Variants in EMP2 observed in about 807,000 individuals in gnomAD.
The protein encoded by EMP2 is epithelial membrane protein 2.
In EMP2, 19 loss-of-function variants were observed where a neutral mutation model predicts 13.7. The observed-to-expected ratio is 1.38, with a 90% CI of 0.97 to 2.03. The LOEUF (loss-of-function observed/expected upper bound fraction) is 2.03, where lower values mean the gene tolerates loss of function less well. Ranked by LOEUF, EMP2 falls within the 30% of genes most tolerant of loss-of-function variation. EMP2 has a pLI of 0.00. For synonymous variants in EMP2, 97 were observed against 84.7 expected (o/e 1.15, Z -0.80); for missense variants, 253 against 220.7 (o/e 1.15, Z -0.93).
chr16:10,554,125 G>C (rs948470634), intron 1 of EMP2, among the ~76,000 whole-genome samples: 1 of 150,266 alleles, frequency 6.7e-6, no homozygotes, highest in Non-Finnish European at 1.5e-5. Context: ...TCCACCTCCC[G>C]AGTTCAAGCG....
intron 1 of EMP2, among the ~76,000 whole-genome samples, chr16:10,560,315 C>A (rs1021390952): frequency 2.6e-5 from 4 of 152,194 alleles, no homozygotes; most frequent in African/African-American, 9.7e-5. Context: ...CCGAGTCCTC[C>A]AGGCTCACAG....
intron 2 of EMP2, chr16:10,544,834 A>G (rs9922333): frequency 0.095 from 14,539 of 152,330 alleles, 1,469 homozygotes; most frequent in African/African-American, 0.26. Flanking sequence ...GCAGTGAGCC[A>G]TGATCGCAAC....
intron 4 of EMP2, 151 bp from the exon 5 acceptor site, chr16:10,533,243 A>T (rs544014753): frequency 1.7e-5 from 13 of 785,424 alleles, no homozygotes; most frequent in African/African-American, 1.6e-4. Flanking sequence ...TTGCCATGTC[A>T]CCCAGGCTGG....
At chr16:10,567,714 T>G (rs1177994550) in intron 1 of EMP2, among the ~76,000 whole-genome samples, 1 of 152,178 alleles carries the variant, frequency 6.6e-6, no homozygotes, top group East Asian at 1.9e-4. Context: ...CAAAGAGGAC[T>G]GCCAGGGCCG....
Position 10,532,094 on chromosome 16 carries a change from C to T in EMP2, c.*811G>A, listed in dbSNP as rs2050607643. 1 of 154,940 alleles carries T rather than the reference C, an allele frequency of 6.5e-6. No homozygotes were observed. Among genetic ancestry groups the T allele is most frequent in the Middle Eastern group, 5.2e-4 (1 of 1,930 alleles). 9.6% of individuals were successfully genotyped at this position (154,940 alleles called of 1,614,324 possible). Reference sequence around the variant, plus strand: ...AGCTCTGCTGACCTGGCCCAGGCACCGTGGTCCCCAACTTCAACGCATCTG... The same window carrying T: ...AGCTCTGCTGACCTGGCCCAGGCACTGTGGTCCCCAACTTCAACGCATCTG... On this transcript the variant is annotated 3_prime_UTR_variant, in exon 5 of 5. Coordinates refer to ENST00000359543, the MANE Select transcript of EMP2 (RefSeq NM_001424.6).
At chr16:10,537,880 G>A (rs2050661287) in intron 4 of EMP2, 48 bp downstream of exon 4, 4 of 1,603,074 alleles carry the variant, frequency 2.5e-6, no homozygotes, top group Non-Finnish European at 3.4e-6. Context: ...GGAAGGGAGT[G>A]CTTATTCCAG....
rs2050595519 is a variant in EMP2, at chr16:10,531,025, TGCAG to T, written c.*1876_*1879del. 1 of 152,216 alleles carries T rather than the reference TGCAG, an allele frequency of 6.6e-6. No homozygotes were observed. The highest frequency in any genetic ancestry group is 6.6e-5 in the Admixed American group (1 of 15,266). The allele number at this position is 152,216 out of a possible 1,614,324, so 9.4% of individuals were successfully genotyped here. On this transcript the variant is annotated 3_prime_UTR_variant, in exon 5 of 5. Coordinates refer to ENST00000359543, the MANE Select transcript of EMP2 (RefSeq NM_001424.6). ...TCTCAGACTGTCGCCTGGGCTGGAGTGCAGTGGTGAATCTCGGCTCACTGCGACC... is the reference window on the plus strand; with the variant it reads ...TCTCAGACTGTCGCCTGGGCTGGAGTTGGTGAATCTCGGCTCACTGCGACC...
intron 4 of EMP2, among the ~76,000 whole-genome samples, chr16:10,535,984 C>T (rs1031065676): frequency 6.6e-6 from 1 of 152,198 alleles, no homozygotes; most frequent in Non-Finnish European, 1.5e-5. Context: ...CAGGCTGGGG[C>T]CTTGGGAGTC....
At position 10,532,265 on chromosome 16, in the gene EMP2, G is replaced by C. The variant is rs12928389; in HGVS notation, c.*640C>G. ...TAAATCTGGCACGCAGGTTAAGGAT[G>C]ACCATTCCTAAGGCAAGCAGGTGAC... On this transcript the variant is annotated 3_prime_UTR_variant, in exon 5 of 5. Transcript: ENST00000359543. The C allele has an allele frequency of 0.083, 12,850 of 154,492 alleles. 565 individuals carry two copies. The highest frequency in any genetic ancestry group is 0.11 in the South Asian group (532 of 4,894). 9.6% of individuals were successfully genotyped at this position (154,492 alleles called of 1,614,324 possible). A position where few individuals can be genotyped will look rare whatever the true frequency, so the allele number is the denominator to read the frequency against.
chr16:10,558,325 C>G (rs963366762), intron 1 of EMP2, among the ~76,000 whole-genome samples: 3 of 152,196 alleles, frequency 2.0e-5, no homozygotes, highest in African/African-American at 7.2e-5. Context: ...GGGTGCCCAG[C>G]TGGAGTTTCA....
chr16:10,546,976 G>A (rs564588868), intron 2 of EMP2: 14 of 152,220 alleles, frequency 9.2e-5, no homozygotes, highest in African/African-American at 2.9e-4. Flanking sequence ...ACCAAAACCT[G>A]AACATGGGAC....
intron 2 of EMP2, 33 bp downstream of exon 2, chr16:10,547,507 G>C (rs1034361785): frequency 6.2e-7 from 1 of 1,612,030 alleles, no homozygotes; most frequent in Non-Finnish European, 8.5e-7. Context: ...CAGGACCCAG[G>C]TTTCTGCGTG....
chr16:10,548,521 C>G (rs979042533), intron 1 of EMP2, among the ~76,000 whole-genome samples: 2 of 151,938 alleles, frequency 1.3e-5, no homozygotes, highest in Admixed American at 1.3e-4. Flanking sequence ...AGCAAAACTC[C>G]ATCTCTACAA....
chr16:10,538,145 G>T, intron 3 of EMP2, 71 bp from the exon 4 acceptor site: 2 of 1,567,282 alleles, frequency 1.3e-6, no homozygotes, highest in South Asian at 1.1e-5. Flanking sequence ...CACAGCGACC[G>T]CAGCAGCTCC....
intron 1 of EMP2, among the ~76,000 whole-genome samples, chr16:10,570,983 G>A (rs1194288642): frequency 2.0e-5 from 3 of 151,650 alleles, no homozygotes; most frequent in African/African-American, 7.3e-5. Context: ...AACTGGCAGG[G>A]GCCGGTGGCT....
At chr16:10,571,621 C>T (rs2050948122) in intron 1 of EMP2, among the ~76,000 whole-genome samples, 1 of 152,234 alleles carries the variant, frequency 6.6e-6, no homozygotes, top group East Asian at 1.9e-4. Flanking sequence ...ACTTGGTCAG[C>T]TTTGTGTCTC....
intron 3 of EMP2, 42 bp from the exon 4 acceptor site, chr16:10,538,116 CA>C: frequency 6.2e-7 from 1 of 1,606,336 alleles, no homozygotes; most frequent in Non-Finnish European, 8.5e-7. Context: ...GGACCTTGGC[CA>C]GCCGGCACTG....
At chr16:10,559,502 C>T in intron 1 of EMP2, among the ~76,000 whole-genome samples, 1 of 152,240 alleles carries the variant, frequency 6.6e-6, no homozygotes, top group East Asian at 1.9e-4. Context: ...ATCATTCTGT[C>T]TGTGCAGCCC....
Position 10,532,812 on chromosome 16 carries a change from G to T in EMP2, c.*93C>A, listed in dbSNP as rs1303909862. The T allele has an allele frequency of 2.3e-5, 6 of 258,870 alleles. No homozygotes were observed. The highest frequency in any genetic ancestry group is 1.1e-4 in the East Asian group (1 of 8,954). The allele number at this position is 258,870 out of a possible 1,614,324, so 16.0% of individuals were successfully genotyped here. A position where few individuals can be genotyped will look rare whatever the true frequency, so the allele number is the denominator to read the frequency against. On this transcript the variant is annotated 3_prime_UTR_variant, in exon 5 of 5. Transcript: ENST00000359543. ...GGCTTTTAAAGGAAACAATACGTTT[G>T]CTAGAAAAACCTCAAAAAATAATGA...
Sources: gnomAD v4.1 joint callset for allele counts (sites outside exome capture counted in the v4.1 genomes callset) on GRCh38, gnomAD v4.1.1 for gene constraint, MANE v1.5 for transcripts, NCBI Gene and HGNC (gene_info 2026-07-23, HGNC 2026-07-21) for gene names.